The following NAV3 variants were observed in gnomAD, a reference collection of about 807,000 sequenced individuals.
The protein encoded by NAV3 is pore membrane and/or filament interacting like protein 1.
Under a neutral mutation model 244.7 loss-of-function variants are expected in NAV3, and 87 were observed. That is an observed-to-expected ratio of 0.36 (90% CI 0.30 to 0.42). The LOEUF is 0.42. Among genes scored for constraint, NAV3 ranks in the 20% least tolerant of loss-of-function variants. The pLI, the probability that NAV3 is intolerant of heterozygous loss-of-function variation, is 1.00. For synonymous variants in NAV3, 1,126 were observed against 1,042.2 expected (o/e 1.08, Z -1.55); for missense variants, 2,663 against 2,893.3 (o/e 0.92, Z 1.83).
intron 2 of NAV3, among the ~76,000 whole-genome samples, chr12:77,822,615 T>C (rs1238535996): frequency 1.3e-5 from 2 of 152,206 alleles, no homozygotes; most frequent in African/African-American, 4.8e-5. Flanking sequence ...ATATCTTATC[T>C]TATTTTTTAT....
intron 1 of NAV3, among the ~76,000 whole-genome samples, chr12:77,888,879 T>C (rs1322963261): frequency 1.3e-5 from 2 of 152,112 alleles, no homozygotes; most frequent in Non-Finnish European, 2.9e-5. Context: ...ATAACATACA[T>C]ACTCAGGGGG....
Position 77,958,890 on chromosome 12 carries a change from A to C in NAV3, c.415-7339A>C, listed in dbSNP as rs192764094. Among the ~76,000 whole-genome samples the C allele has an allele frequency of 1.8e-3, 274 of 152,264 alleles. 3 individuals are homozygous for C. Among genetic ancestry groups the C allele is most frequent in the African/African-American group, 6.3e-3 (262 of 41,546 alleles). ...AGTAAATGTCCTGAGGTGACTGTCC[A>C]TAAGCTACAGATTTGACTGTTACCT... On this transcript the variant is annotated intron_variant, in intron 3 of 39. Coordinates refer to ENST00000397909, the MANE Select transcript of NAV3 (RefSeq NM_001024383.2).
chr12:78,035,459 A>G (rs949035470), intron 9 of NAV3, among the ~76,000 whole-genome samples: 6 of 152,184 alleles, frequency 3.9e-5, no homozygotes, highest in African/African-American at 1.4e-4. Flanking sequence ...TTGTGGTGGT[A>G]TAGTGTACGT....
rs573664145 is a variant in NAV3 at position 78,187,020 on chromosome 12, C to T, written c.5791-1228C>T. Among the ~76,000 whole-genome samples, 9 of 151,994 alleles carry T rather than the reference C, an allele frequency of 5.9e-5. No homozygotes were observed. The East Asian group carries it at 1.7e-3, about 30-fold the overall frequency. On this transcript the variant is annotated intron_variant, in intron 31 of 39. Coordinates refer to ENST00000397909, the MANE Select transcript of NAV3 (RefSeq NM_001024383.2). Reference sequence around the variant, plus strand: ...TGATTTCATTTAATCCTAATTACCTCCCAAAGACCTCATCTCCTAATACCA... The same window carrying T: ...TGATTTCATTTAATCCTAATTACCTTCCAAAGACCTCATCTCCTAATACCA...
intron 2 of NAV3, among the ~76,000 whole-genome samples, chr12:77,610,494 T>G (rs1371612389): frequency 1.3e-5 from 2 of 152,024 alleles, no homozygotes; most frequent in South Asian, 4.1e-4. Flanking sequence ...TTGAAAGAGA[T>G]GTGTCAGTTT....
intron 1 of NAV3, among the ~76,000 whole-genome samples, chr12:77,919,146 A>C (rs1254202038): frequency 6.6e-6 from 1 of 152,118 alleles, no homozygotes; most frequent in Non-Finnish European, 1.5e-5. Context: ...TGGATATCAC[A>C]GAAAGTGAAC....
intron 2 of NAV3, among the ~76,000 whole-genome samples, chr12:77,619,058 T>C (rs1023275637): frequency 6.6e-6 from 1 of 152,232 alleles, no homozygotes; most frequent in East Asian, 1.9e-4. Flanking sequence ...GAAAAGAATA[T>C]ATTTTTATAA....
intron 1 of NAV3, among the ~76,000 whole-genome samples, chr12:77,936,187 G>T (rs1297767899): frequency 6.6e-6 from 1 of 152,058 alleles, no homozygotes; most frequent in Non-Finnish European, 1.5e-5. Context: ...TGCATAATAG[G>T]CCCCAAAATT....
chr12:77,690,872 A>T (rs1272684953), intron 2 of NAV3, among the ~76,000 whole-genome samples: 1 of 79,402 alleles, frequency 1.3e-5, no homozygotes, highest in Admixed American at 1.3e-4. Context: ...TTCAGTGTTA[A>T]CAATTTTCTA....
chr12:77,742,816 T>G (rs975119468), intron 2 of NAV3, among the ~76,000 whole-genome samples: 1 of 152,028 alleles, frequency 6.6e-6, no homozygotes, highest in Non-Finnish European at 1.5e-5. Context: ...GTTGCAAGTA[T>G]TTGCTTAAAA....
At chr12:77,714,360 T>A (rs1033061596) in intron 2 of NAV3, among the ~76,000 whole-genome samples, 1 of 152,132 alleles carries the variant, frequency 6.6e-6, no homozygotes, top group Non-Finnish European at 1.5e-5. Context: ...TTGTTGTTTC[T>A]AGCTTGCTAA....
Position 78,021,245 on chromosome 12 carries a change from A to G in NAV3, c.1908-502A>G, listed in dbSNP as rs201360724. On this transcript the variant is annotated intron_variant, in intron 8 of 39. Coordinates refer to ENST00000397909, the MANE Select transcript of NAV3 (RefSeq NM_001024383.2). Reference sequence around the variant, plus strand: ...AAGAATGAGAATTTGTTTCTGGTTGACTTTAATTGCTCTGAAATCTTTGGT... The same window carrying G: ...AAGAATGAGAATTTGTTTCTGGTTGGCTTTAATTGCTCTGAAATCTTTGGT... 7.9e-5 allele frequency among the ~76,000 whole-genome samples: 12 copies of G among 152,270 alleles called. No individual in the cohort carries two copies. In the East Asian group the frequency reaches 2.3e-3, roughly 29 times the overall value.
At chr12:77,871,575 A>G (rs1273288158) in intron 1 of NAV3, among the ~76,000 whole-genome samples, 4 of 152,178 alleles carry the variant, frequency 2.6e-5, no homozygotes, top group Non-Finnish European at 5.9e-5. Flanking sequence ...GCTGAGAATG[A>G]TAGTTTCTAG....
At chr12:78,154,477 CTTG>C (rs1488078949) in intron 22 of NAV3, among the ~76,000 whole-genome samples, 1 of 150,364 alleles carries the variant, frequency 6.7e-6, no homozygotes, top group African/African-American at 2.4e-5. Flanking sequence ...GATATTTCAT[CTTG>C]TTGTGTGGCA....
intron 3 of NAV3, among the ~76,000 whole-genome samples, chr12:77,954,239 T>G (rs1031467716): frequency 6.6e-6 from 1 of 152,206 alleles, no homozygotes; most frequent in Non-Finnish European, 1.5e-5. Flanking sequence ...ACTACACAGT[T>G]TTCATTCTTA....
intron 2 of NAV3, among the ~76,000 whole-genome samples, chr12:77,712,171 T>A (rs745565558): frequency 2.6e-5 from 4 of 152,126 alleles, no homozygotes; most frequent in Non-Finnish European, 5.9e-5. Context: ...AGCCACAATC[T>A]CCCTTTCAGA....
At chr12:77,941,777 G>T (rs967217907) in intron 3 of NAV3, among the ~76,000 whole-genome samples, 1 of 152,032 alleles carries the variant, frequency 6.6e-6, no homozygotes, top group South Asian at 2.1e-4. Context: ...TAATTAAAAA[G>T]CCACAACTTA....
At chr12:77,694,473 ATT>A (rs1491051830) in intron 2 of NAV3, among the ~76,000 whole-genome samples, 3 of 148,512 alleles carry the variant, frequency 2.0e-5, no homozygotes, top group African/African-American at 7.8e-5. Flanking sequence ...CTCCATCTCA[ATT>A]AAAAAAAAAA....
intron 2 of NAV3, among the ~76,000 whole-genome samples, chr12:77,780,752 G>T (rs1205885586): frequency 2.0e-5 from 3 of 152,166 alleles, no homozygotes; most frequent in Non-Finnish European, 4.4e-5. Flanking sequence ...ACTGGCAAGT[G>T]ATCAGTAAAA....
Sources: gnomAD v4.1 joint callset for allele counts (sites outside exome capture counted in the v4.1 genomes callset) on GRCh38, gnomAD v4.1.1 for gene constraint, MANE v1.5 for transcripts, NCBI Gene and HGNC (gene_info 2026-07-23, HGNC 2026-07-21) for gene names.